The following SVEP1 variants were observed in gnomAD, a reference collection of about 807,000 sequenced individuals.
The protein encoded by SVEP1 is sushi, von Willebrand factor type A, EGF and pentraxin domain containing 1.
Under a neutral mutation model 367.3 loss-of-function variants are expected in SVEP1, and 164 were observed. The ratio of observed to expected loss-of-function variants is 0.45; its 90% confidence interval spans 0.39 to 0.51. The LOEUF is 0.51. Ranked by LOEUF, SVEP1 falls within the 20% of genes least tolerant of loss-of-function variation. The pLI is 0.00. For missense variants in SVEP1, 4,117 were observed against 4,425.3 expected, an observed-to-expected ratio of 0.93 and a Z score of 1.98; for synonymous variants, 1,666 against 1,611.6, an observed-to-expected ratio of 1.03 and a Z score of -0.81.
chr9:110,568,676 A>G (rs939855852), intron 1 of SVEP1, among the ~76,000 whole-genome samples: 12 of 152,212 alleles, frequency 7.9e-5, no homozygotes, highest in Non-Finnish European at 1.6e-4. Flanking sequence ...GAAAATAAGG[A>G]TGATTACAAA....
In SVEP1 at chr9:110,481,346, A is replaced by G; in HGVS notation, c.2261T>C (p.Leu754Ser). 1 of 1,611,532 alleles carries G rather than the reference A, an allele frequency of 6.2e-7. No homozygotes were observed. The highest frequency in any genetic ancestry group is 1.7e-5 in the Admixed American group (1 of 59,710). Reference protein sequence around the residue: ...NTGVNCTLTCLEGYDFTEGST... With the variant: ...NTGVNCTLTCSEGYDFTEGST... ...CCCTTCTGTGAAATCATAGCCCTCC[A>G]AGCAAGTTAATGTACAGTTGACTCC... Residue 754 changes from leucine (L) to serine (S), a missense_variant, in exon 12 of 48, where the codon TTG becomes TCG. Physicochemically the swap from Leu to Ser is moderately radical, Grantham distance 145. Coordinates refer to ENST00000374469, the MANE Select transcript of SVEP1 (RefSeq NM_153366.4).
intron 14 of SVEP1, among the ~76,000 whole-genome samples, chr9:110,473,155 A>G (rs1339810758): frequency 2.0e-5 from 3 of 152,188 alleles, no homozygotes; most frequent in African/African-American, 4.8e-5. Context: ...ACAATAATTT[A>G]TATTTATATA....
At chr9:110,528,492 T>C (rs1829974736) in intron 3 of SVEP1, among the ~76,000 whole-genome samples, 1 of 152,132 alleles carries the variant, frequency 6.6e-6, no homozygotes, top group South Asian at 2.1e-4. Context: ...TTTTTAATCA[T>C]GGCCATTCTG....
At chr9:110,381,913 C>G (rs4978918) in intron 43 of SVEP1, among the ~76,000 whole-genome samples, 90,616 of 152,028 alleles carry the variant, frequency 0.6, 27,123 homozygotes, top group Middle Eastern at 0.71. Flanking sequence ...AGTTCTTCTT[C>G]TTGAATTGAA....
At position 110,429,126 on chromosome 9, in the gene SVEP1, G is replaced by A. The variant is rs1396717969; in HGVS notation, c.5807+17C>T. ...CACAGTATTGTAGAAAGCTTGGTTG[G>A]TGTCTACAAATGTTACCTGTATCCT... On this transcript the variant is annotated intron_variant, in intron 35 of 47. Coordinates refer to ENST00000374469, the MANE Select transcript of SVEP1 (RefSeq NM_153366.4). The A allele has an allele frequency of 1.3e-6, 2 of 1,532,204 alleles. No homozygotes were observed. Among genetic ancestry groups the A allele is most frequent in the Non-Finnish European group, 1.8e-6 (2 of 1,142,160 alleles). 94.9% of individuals were successfully genotyped at this position (1,532,204 alleles called of 1,614,324 possible).
chr9:110,468,442 A>G (rs373416390), intron 17 of SVEP1, among the ~76,000 whole-genome samples: 4 of 152,338 alleles, frequency 2.6e-5, no homozygotes, highest in African/African-American at 9.6e-5. Context: ...TGAGAAAACC[A>G]TAGAAGCAGG....
Position 110,366,678 on chromosome 9 carries a change from A to G in SVEP1, c.10695-118T>C, listed in dbSNP as rs144236692. 1,040 of 974,002 alleles carry G rather than the reference A, an allele frequency of 1.1e-3. 23 individuals are homozygous for G. In the East Asian group the frequency reaches 0.027, roughly 25 times the overall value. 60.3% of individuals were successfully genotyped at this position (974,002 alleles called of 1,614,324 possible). ...TGAAAGTCCCAGATACCTGGGCATT[A>G]TCTGTGATGTTTATACGGATGGGGG... is the stretch of plus-strand genomic sequence containing the variant. On this transcript the variant is annotated intron_variant, in intron 47 of 47. Transcript: ENST00000374469.
At chr9:110,379,712 G>GT (rs2118951660) in intron 43 of SVEP1, among the ~76,000 whole-genome samples, 195 bp from the exon 44 acceptor site, 1 of 152,238 alleles carries the variant, frequency 6.6e-6, no homozygotes, top group Non-Finnish European at 1.5e-5. Flanking sequence ...AAGATCAAAG[G>GT]TTTTTTGTCT....
chr9:110,506,860 A>G (rs944740551), intron 5 of SVEP1, among the ~76,000 whole-genome samples: 5 of 151,954 alleles, frequency 3.3e-5, no homozygotes, highest in African/African-American at 1.2e-4. Flanking sequence ...AGGAGAGGAG[A>G]GGAGAAGAGG....
chr9:110,380,629 TC>T (rs1336255234), intron 43 of SVEP1, among the ~76,000 whole-genome samples: 1 of 152,200 alleles, frequency 6.6e-6, no homozygotes, highest in Non-Finnish European at 1.5e-5. Context: ...TTGATGTTCA[TC>T]GGGGAAATTG....
intron 1 of SVEP1, among the ~76,000 whole-genome samples, chr9:110,578,590 C>T (rs974849085): frequency 6.6e-6 from 1 of 152,086 alleles, no homozygotes; most frequent in Non-Finnish European, 1.5e-5. Flanking sequence ...AGGAAGGGCA[C>T]GAATCTTACA....
At chr9:110,371,389 T>TCCACTCA (rs1564120979) in intron 46 of SVEP1, among the ~76,000 whole-genome samples, 1 of 152,152 alleles carries the variant, frequency 6.6e-6, no homozygotes, top group East Asian at 1.9e-4. Flanking sequence ...GTCCCAGTAT[T>TCCACTCA]CCACTCAGGG....
intron 40 of SVEP1, among the ~76,000 whole-genome samples, chr9:110,392,571 T>C (rs1263643434): frequency 6.6e-6 from 1 of 152,160 alleles, no homozygotes; most frequent in Non-Finnish European, 1.5e-5. Flanking sequence ...GAGTTGTGAA[T>C]TCTGCTATTT....
rs1358917056 is a variant in SVEP1, at chr9:110,408,598, T to C, written c.7002A>G (p.Val2334=). The C allele has an allele frequency of 2.5e-6, 4 of 1,613,808 alleles. No individual in the cohort carries two copies. Among genetic ancestry groups the C allele is most frequent in the African/African-American group, 1.3e-5 (1 of 74,964 alleles). The change falls in exon 38 of 48, where the codon GTA becomes GTG. Residue 2334 remains valine, a synonymous_variant. Transcript: ENST00000374469. ...CTACCTCGGTGGTCAACTCCTTTAA[T>C]ACTAGCTGGTTTTCCAAGAGGGGCG... ...PEPPLLENQL[V]LKELTTEVGV...
intron 3 of SVEP1, among the ~76,000 whole-genome samples, chr9:110,524,569 G>T (rs773584859): frequency 1.3e-5 from 2 of 151,934 alleles, no homozygotes; most frequent in Non-Finnish European, 2.9e-5. Context: ...AATGCACAAG[G>T]TCACGTCAAT....
At chr9:110,429,083 A>T (rs1431545799) in intron 35 of SVEP1, 60 bp downstream of exon 35, 1 of 1,363,654 alleles carries the variant, frequency 7.3e-7, no homozygotes, top group Non-Finnish European at 9.7e-7. Flanking sequence ...AAATTAAAAT[A>T]AAATAGGGAG....
intron 17 of SVEP1, among the ~76,000 whole-genome samples, chr9:110,467,300 G>A (rs905570381): frequency 6.6e-6 from 1 of 152,156 alleles, no homozygotes; most frequent in African/African-American, 2.4e-5. Flanking sequence ...TCATTTCCAA[G>A]TAAACTGAGA....
In SVEP1 at chr9:110,369,965, C is replaced by G; in HGVS notation, c.10652G>C (p.Arg3551Pro). 6.2e-7 allele frequency: 1 copy of G among 1,613,316 alleles called. No individual in the cohort carries two copies. Among genetic ancestry groups the G allele is most frequent in the Non-Finnish European group, 8.5e-7 (1 of 1,179,544 alleles). ...CGTCCAAGAAGAAAGACAGTGACAT[C>G]GGTTTGGTCTTACACATTTTCCACC... ...LNGGKCVRPN[R>P]CHCLSSWTGH... The change falls in exon 47 of 48, where the codon CGA (arginine) becomes CCA (proline). Residue 3551 changes from arginine to proline, a missense_variant. By Grantham distance (103) the Arg-to-Pro change is moderately radical. Coordinates refer to ENST00000374469, the MANE Select transcript of SVEP1 (RefSeq NM_153366.4).
intron 19 of SVEP1, 45 bp downstream of exon 19, chr9:110,458,907 T>C: frequency 6.3e-7 from 1 of 1,583,116 alleles, no homozygotes; most frequent in Non-Finnish European, 8.6e-7. Flanking sequence ...CAGGGAAAAG[T>C]AAATGTCCAA....
Sources: allele counts gnomAD v4.1 joint callset (sites outside exome capture counted in the v4.1 genomes callset), GRCh38; gene constraint gnomAD v4.1.1; transcripts MANE v1.5; gene names NCBI Gene and HGNC (gene_info 2026-07-23, HGNC 2026-07-21).